SNTG1: variants seen among roughly 807,000 people sequenced by gnomAD.
SNTG1 encodes gamma-1-syntrophin.
SNTG1 carries 39 observed loss-of-function variants against 74.7 expected under a neutral mutation model. That is an observed-to-expected ratio of 0.52 (90% confidence interval 0.40 to 0.68). The LOEUF (loss-of-function observed/expected upper bound fraction) is 0.68, where lower values mean the gene tolerates loss of function less well. Ranked by LOEUF, SNTG1 falls within the 30% of genes least tolerant of loss-of-function variation. The pLI is 0.00. For missense variants in SNTG1, 685 were observed against 609.5 expected (o/e 1.12, Z -1.30); for synonymous variants, 254 against 217.1 (o/e 1.17, Z -1.49).
chr8:50,632,753 A>G (rs2095010612), intron 13 of SNTG1, among the ~76,000 whole-genome samples: 2 of 152,246 alleles, frequency 1.3e-5, no homozygotes, highest in African/African-American at 4.8e-5. Context: ...TGCCTTTCCC[A>G]AACCAAAATT....
chr8:50,430,929 G>C (rs2093227856), intron 4 of SNTG1, among the ~76,000 whole-genome samples: 2 of 152,134 alleles, frequency 1.3e-5, no homozygotes, highest in Non-Finnish European at 2.9e-5. Flanking sequence ...ACCCTGATGT[G>C]AAACAACTTT....
intron 1 of SNTG1, among the ~76,000 whole-genome samples, chr8:50,024,662 ACAGT>A (rs1817107814): frequency 6.6e-6 from 1 of 152,170 alleles, no homozygotes; most frequent in Non-Finnish European, 1.5e-5. Context: ...TAAATTAGGC[ACAGT>A]CAGAGATTAA....
rs190729600 is a variant in SNTG1, at chr8:50,429,166, A to T, written c.163-9377A>T. Among the ~76,000 whole-genome samples, 514 of 152,268 alleles carry T rather than the reference A, an allele frequency of 3.4e-3. 4 individuals carry two copies. Among genetic ancestry groups the T allele is most frequent in the African/African-American group, 0.012 (480 of 41,570 alleles). On this transcript the variant is annotated intron_variant, in intron 4 of 18. Coordinates refer to ENST00000642720, the MANE Select transcript of SNTG1 (RefSeq NM_018967.5). ...TGATCCTAAAATTCATAAGGAGATG[A>T]AAGAGATTTCAAATAGCTAAAACAA...
At chr8:50,584,141 A>T (rs1237908779) in intron 12 of SNTG1, among the ~76,000 whole-genome samples, 1 of 152,100 alleles carries the variant, frequency 6.6e-6, no homozygotes, top group East Asian at 1.9e-4. Flanking sequence ...CATGGTGTAT[A>T]TATGCCATAT....
chr8:49,988,845 T>G (rs1324833247), intron 1 of SNTG1, among the ~76,000 whole-genome samples: 1 of 151,762 alleles, frequency 6.6e-6, no homozygotes, highest in Non-Finnish European at 1.5e-5. Flanking sequence ...CTAGTCTTTT[T>G]CATTAAAAAA....
At chr8:50,331,096 C>T (rs1179961812) in intron 2 of SNTG1, among the ~76,000 whole-genome samples, 1 of 152,098 alleles carries the variant, frequency 6.6e-6, no homozygotes, top group Non-Finnish European at 1.5e-5. Context: ...ATATGGTGCA[C>T]TAGGTATTTA....
intron 1 of SNTG1, among the ~76,000 whole-genome samples, chr8:50,100,151 T>G (rs2080070055): frequency 6.6e-6 from 1 of 151,982 alleles, no homozygotes; most frequent in African/African-American, 2.4e-5. Flanking sequence ...GTAAGTGAAA[T>G]AAGCCAGGAA....
chr8:50,537,822 A>G (rs1354857271), intron 11 of SNTG1, among the ~76,000 whole-genome samples: 3 of 152,204 alleles, frequency 2.0e-5, no homozygotes, highest in Non-Finnish European at 4.4e-5. Flanking sequence ...AAAAATAGCC[A>G]TATACAATAT....
intron 2 of SNTG1, among the ~76,000 whole-genome samples, chr8:50,214,056 G>T (rs192683624): frequency 6.6e-6 from 1 of 151,834 alleles, no homozygotes; most frequent in African/African-American, 2.4e-5. Flanking sequence ...GGTTTTTATG[G>T]TTTAAGGTCT....
chr8:50,129,005 C>T (rs1178691644), intron 1 of SNTG1, among the ~76,000 whole-genome samples: 1 of 151,938 alleles, frequency 6.6e-6, no homozygotes, highest in Non-Finnish European at 1.5e-5. Flanking sequence ...ATTGACATGA[C>T]CAGTAGCGAG....
intron 1 of SNTG1, among the ~76,000 whole-genome samples, chr8:50,004,277 C>T (rs1387408882): frequency 6.6e-6 from 1 of 152,138 alleles, no homozygotes; most frequent in Non-Finnish European, 1.5e-5. Context: ...TATTCCAACT[C>T]ACTTCACATA....
At chr8:49,960,903 T>C (rs932599251) in intron 1 of SNTG1, among the ~76,000 whole-genome samples, 21 of 152,012 alleles carry the variant, frequency 1.4e-4, no homozygotes, top group African/African-American at 5.1e-4. Flanking sequence ...CTTACGTGGA[T>C]TAAGGAAATG....
At chr8:50,215,810 T>C (rs1198069180) in intron 2 of SNTG1, among the ~76,000 whole-genome samples, 1 of 152,098 alleles carries the variant, frequency 6.6e-6, no homozygotes, top group East Asian at 1.9e-4. Flanking sequence ...AAATTTAATC[T>C]CAGCTAACTC....
intron 8 of SNTG1, among the ~76,000 whole-genome samples, chr8:50,455,614 C>T (rs1013607091): frequency 6.6e-6 from 1 of 152,122 alleles, no homozygotes; most frequent in Non-Finnish European, 1.5e-5. Context: ...ATGCCTAAGT[C>T]AATTTAAAAT....
intron 8 of SNTG1, among the ~76,000 whole-genome samples, chr8:50,498,343 A>G (rs574739990): frequency 1.1e-4 from 16 of 151,954 alleles, no homozygotes; most frequent in African/African-American, 3.6e-4. Flanking sequence ...TTTAATTTAC[A>G]TTTCACTAAT....
At chr8:50,735,113 A>G (rs1039839925) in intron 17 of SNTG1, among the ~76,000 whole-genome samples, 28 of 151,360 alleles carry the variant, frequency 1.8e-4, no homozygotes, top group African/African-American at 6.5e-4. Flanking sequence ...CGAAACAGAA[A>G]CTCTGTAACT....
intron 1 of SNTG1, among the ~76,000 whole-genome samples, chr8:49,933,518 G>T (rs952709060): frequency 6.6e-6 from 1 of 152,078 alleles, no homozygotes; most frequent in Non-Finnish European, 1.5e-5. Context: ...TGTTGTAGAG[G>T]CCAACTGTAT....
At chr8:50,166,911 G>T (rs2082633478) in intron 1 of SNTG1, among the ~76,000 whole-genome samples, 6 of 150,784 alleles carry the variant, frequency 4.0e-5, no homozygotes, top group Admixed American at 3.3e-4. Context: ...AGAAAATGTG[G>T]CAAATATACA....
intron 5 of SNTG1, among the ~76,000 whole-genome samples, chr8:50,448,126 TAACC>T (rs2093422951): frequency 6.6e-6 from 1 of 152,192 alleles, no homozygotes; most frequent in Non-Finnish European, 1.5e-5. Flanking sequence ...GGAGCCATTG[TAACC>T]TACGCCAGTA....
Sources: gnomAD v4.1 joint callset for allele counts (sites outside exome capture counted in the v4.1 genomes callset) on GRCh38, gnomAD v4.1.1 for gene constraint, MANE v1.5 for transcripts, NCBI Gene and HGNC (gene_info 2026-07-23, HGNC 2026-07-21) for gene names.